The following TNS1 variants were observed in gnomAD, a reference collection of about 807,000 sequenced individuals.
TNS1 encodes the protein tensin-1.
Under a neutral mutation model 168.6 loss-of-function variants are expected in TNS1, and 62 were observed. The ratio of observed to expected loss-of-function variants is 0.37; its 90% CI spans 0.30 to 0.45. TNS1 has a LOEUF of 0.45. Ranked by LOEUF, TNS1 falls within the 20% of genes least tolerant of loss-of-function variation. The pLI is 1.00. For synonymous variants in TNS1, 934 were observed against 933.2 expected (o/e 1.00, Z -0.02); for missense variants, 2,240 against 2,339.4 (o/e 0.96, Z 0.88).
chr2:217,858,214 C>T (rs1158675409), intron 18 of TNS1, among the ~76,000 whole-genome samples: 3 of 152,136 alleles, frequency 2.0e-5, no homozygotes, highest in Admixed American at 6.5e-5. Context: ...CACACGGCCC[C>T]CCCACCAACC....
chr2:217,888,628 C>T (rs1951443587), intron 12 of TNS1, among the ~76,000 whole-genome samples: 1 of 152,182 alleles, frequency 6.6e-6, no homozygotes, highest in Non-Finnish European at 1.5e-5. Flanking sequence ...ATTCTATTCT[C>T]GTGGTAGTGA....
intron 2 of TNS1, among the ~76,000 whole-genome samples, chr2:217,983,097 G>T (rs1010178429): frequency 6.6e-6 from 1 of 152,138 alleles, no homozygotes; most frequent in Non-Finnish European, 1.5e-5. Flanking sequence ...CAGTCTGTGA[G>T]TGACAGGGAC....
chr2:217,954,665 C>A (rs1465334822), intron 3 of TNS1, among the ~76,000 whole-genome samples: 2 of 152,124 alleles, frequency 1.3e-5, no homozygotes, highest in African/African-American at 4.8e-5. Context: ...AACTCCACTG[C>A]CAAGGAGGGT....
chr2:217,812,338 G>T, intron 28 of TNS1, 30 bp downstream of exon 28: 1 of 1,594,612 alleles, frequency 6.3e-7, no homozygotes, highest in Non-Finnish European at 8.6e-7. Context: ...CAAGGGTGTG[G>T]GTGGTGAGCC....
At position 217,839,145 on chromosome 2, in the gene TNS1, G is replaced by A. The variant is rs77986730; in HGVS notation, c.3008-2934C>T. On this transcript the variant is annotated intron_variant, in intron 19 of 32. Transcript: ENST00000682258. Reference sequence around the variant, plus strand: ...ATGGGGGTACATAGTGGGGCCACTGGGTCACCCTCAGAACCTCTAGGGCCA... The same window carrying A: ...ATGGGGGTACATAGTGGGGCCACTGAGTCACCCTCAGAACCTCTAGGGCCA... Among the ~76,000 whole-genome samples, 2,918 of 151,978 alleles carry A rather than the reference G, an allele frequency of 0.019. 136 individuals carry two copies. The East Asian group carries it at 0.2, about 10-fold the overall frequency.
intron 22 of TNS1, 41 bp downstream of exon 22, chr2:217,831,414 C>T (rs1015566595): frequency 2.7e-6 from 4 of 1,506,302 alleles, no homozygotes; most frequent in Non-Finnish European, 2.7e-6. Context: ...GAGTCCTCCT[C>T]CCCCTGGCCC....
At chr2:217,886,441 G>A in intron 13 of TNS1, 93 bp downstream of exon 13, 1 of 1,031,656 alleles carries the variant, frequency 9.7e-7, no homozygotes, top group South Asian at 1.4e-5. Flanking sequence ...CTCTCGGGCT[G>A]TCTGTTACTA....
chr2:217,863,919 A>G (rs1949022549), intron 18 of TNS1, among the ~76,000 whole-genome samples: 1 of 151,968 alleles, frequency 6.6e-6, no homozygotes, highest in South Asian at 2.1e-4. Flanking sequence ...CCTCCCCAGG[A>G]CCTCCTCCCT....
At chr2:217,971,800 G>A (rs1036511851) in intron 3 of TNS1, among the ~76,000 whole-genome samples, 15 of 152,314 alleles carry the variant, frequency 9.8e-5, no homozygotes, top group African/African-American at 3.6e-4. Flanking sequence ...AAAGCACCAA[G>A]GTGATTCTAA....
upstream of TNS1, among the ~76,000 whole-genome samples, chr2:218,013,266 A>AG (rs1958725289): frequency 6.6e-6 from 1 of 151,940 alleles, no homozygotes; most frequent in East Asian, 1.9e-4. Context: ...AAAAAAAAAA[A>AG]AAAGAAAGAA....
chr2:217,936,594 C>G (rs930593279), intron 3 of TNS1, among the ~76,000 whole-genome samples: 3 of 152,120 alleles, frequency 2.0e-5, no homozygotes, highest in Admixed American at 2.0e-4. Context: ...CTAGGACTCC[C>G]CTGCCCAGTA....
rs1030181276 is a variant in TNS1 at position 217,900,493 on chromosome 2, G to A, written c.341C>T (p.Pro114Leu). The A allele has an allele frequency of 1.3e-5, 20 of 1,535,404 alleles. No individual in the cohort carries two copies. The East Asian group carries it at 1.7e-4, about 13-fold the overall frequency. ...LEDNGSTRVT[P>L]SVQPHLQPIR... ...GGGCTGGAGGTGGGGCTGGACACTC[G>A]GGGTGACCCTGGTGGAGCCCTGGGA... is the stretch of plus-strand genomic sequence containing the variant. Residue 114 changes from proline (P) to leucine (L), a missense_variant, in exon 7 of 33, where the codon CCG (proline) becomes CTG (leucine). Pro to Leu is a moderately conservative substitution (Grantham distance 98). Transcript: ENST00000682258.
chr2:218,015,850 G>T (rs1958755025), intron 1 of TNS1, among the ~76,000 whole-genome samples: 1 of 152,340 alleles, frequency 6.6e-6, no homozygotes, highest in African/African-American at 2.4e-5. Flanking sequence ...GGGGCCTGGG[G>T]TCGTCTTGAT....
At chr2:217,885,658 C>T in intron 15 of TNS1, 86 bp downstream of exon 15, 1 of 1,432,162 alleles carries the variant, frequency 7.0e-7, no homozygotes. Context: ...GAGTACCTGT[C>T]TTGTCCCAAG....
At chr2:217,988,935 G>A (rs796138078) in intron 2 of TNS1, among the ~76,000 whole-genome samples, 2 of 152,290 alleles carry the variant, frequency 1.3e-5, no homozygotes, top group African/African-American at 4.8e-5. Context: ...TATGCAGTAA[G>A]CGCTTTAGAA....
At chr2:217,878,324 T>C (rs528380735) in intron 18 of TNS1, among the ~76,000 whole-genome samples, 6 of 152,288 alleles carry the variant, frequency 3.9e-5, no homozygotes, top group South Asian at 4.1e-4. Flanking sequence ...ACCCAGGTAC[T>C]GCCACAAAAC....
In TNS1 at chr2:217,894,885, T is replaced by C. The variant is rs565047346; in HGVS notation, c.594+121A>G. 61 of 952,214 alleles carry C rather than the reference T, an allele frequency of 6.4e-5. No homozygotes were observed. In the East Asian group the frequency reaches 1.5e-3, roughly 23 times the overall value. The allele number at this position is 952,214 out of a possible 1,614,324, so 59.0% of individuals were successfully genotyped here. A position where few individuals can be genotyped will look rare whatever the true frequency, so the allele number is the denominator to read the frequency against. On this transcript the variant is annotated intron_variant, in intron 9 of 32. Coordinates refer to ENST00000682258, the MANE Select transcript of TNS1 (RefSeq NM_001387777.1). ...TAGATCATTTTCCATTTTCCAGATA[T>C]AAGTCGGCACTCTGACAAACTGTCA... is the stretch of plus-strand genomic sequence containing the variant.
intron 3 of TNS1, among the ~76,000 whole-genome samples, chr2:217,944,442 C>T (rs1277995832): frequency 3.3e-5 from 5 of 152,298 alleles, no homozygotes; most frequent in Admixed American, 2.0e-4. Flanking sequence ...CAAAGGGCTT[C>T]TGGGTGGAGA....
chr2:217,945,575 G>A (rs984558912), intron 3 of TNS1, among the ~76,000 whole-genome samples: 3 of 152,192 alleles, frequency 2.0e-5, no homozygotes, highest in African/African-American at 7.2e-5. Context: ...TCTGGGTTCT[G>A]AGTCCCAAAT....
Sources: gnomAD v4.1 joint callset for allele counts (sites outside exome capture counted in the v4.1 genomes callset) on GRCh38, gnomAD v4.1.1 for gene constraint, MANE v1.5 for transcripts, NCBI Gene and HGNC (gene_info 2026-07-23, HGNC 2026-07-21) for gene names.